Variants in TSC22D1 observed in about 807,000 individuals in gnomAD.
The protein encoded by TSC22D1 is TSC22 domain family protein 1.
Under a neutral mutation model 74.2 loss-of-function variants are expected in TSC22D1, and 9 were observed. The ratio of observed to expected loss-of-function variants is 0.12; its 90% confidence interval spans 0.07 to 0.21. TSC22D1 has a LOEUF of 0.21. Ranked by LOEUF, TSC22D1 falls within the 10% of genes least tolerant of loss-of-function variation. The pLI, the probability that TSC22D1 is intolerant of heterozygous loss-of-function variation, is 1.00. For missense variants in TSC22D1, 1,427 were observed against 1,304.7 expected, an observed-to-expected ratio of 1.09 and a Z score of -1.44; for synonymous variants, 586 against 492.5, an observed-to-expected ratio of 1.19 and a Z score of -2.51.
chr13:44,570,033 G>A (rs1357833962), intron 1 of TSC22D1, among the ~76,000 whole-genome samples: 2 of 152,146 alleles, frequency 1.3e-5, no homozygotes, highest in Admixed American at 6.5e-5. Flanking sequence ...GAGAACATCT[G>A]AGCTGAGTCT....
intron 1 of TSC22D1, among the ~76,000 whole-genome samples, chr13:44,494,375 C>CCAAA (rs1878865265): frequency 3.8e-5 from 1 of 26,462 alleles, no homozygotes; most frequent in Admixed American, 8.1e-4. Flanking sequence ...GACTCCGTAT[C>CCAAA]AAAAAAAAAA....
chr13:44,532,675 C>T (rs994027595), intron 1 of TSC22D1, among the ~76,000 whole-genome samples: 3 of 151,854 alleles, frequency 2.0e-5, no homozygotes, highest in Non-Finnish European at 2.9e-5. Context: ...GGGGTTTCAC[C>T]GTGTTAGCCA....
intron 1 of TSC22D1, among the ~76,000 whole-genome samples, chr13:44,455,821 A>C (rs1876556722): frequency 6.6e-6 from 1 of 152,218 alleles, no homozygotes; most frequent in East Asian, 1.9e-4. Context: ...CACTAAAGAG[A>C]TGAGAACCCA....
intron 1 of TSC22D1, among the ~76,000 whole-genome samples, chr13:44,525,655 G>A (rs1463584907): frequency 6.6e-6 from 1 of 151,960 alleles, no homozygotes; most frequent in African/African-American, 2.4e-5. Flanking sequence ...CAAGATCAAG[G>A]ACACTATAGG....
intron 1 of TSC22D1, chr13:44,437,088 C>T (rs1673880882): frequency 7.2e-6 from 7 of 976,590 alleles, no homozygotes; most frequent in Non-Finnish European, 7.3e-6. Flanking sequence ...GAGGTTTCCA[C>T]GGCGGCCTCA....
intron 1 of TSC22D1, among the ~76,000 whole-genome samples, chr13:44,481,366 A>G (rs1172051411): frequency 6.6e-6 from 1 of 152,180 alleles, no homozygotes; most frequent in Non-Finnish European, 1.5e-5. Context: ...GTAACTGGTG[A>G]GGGGTGGGTG....
At chr13:44,558,288 C>T (rs1371346665) in intron 1 of TSC22D1, among the ~76,000 whole-genome samples, 1 of 152,106 alleles carries the variant, frequency 6.6e-6, no homozygotes, top group Non-Finnish European at 1.5e-5. Flanking sequence ...CTTAACTTCA[C>T]AATATTTTAT....
chr13:44,509,660 T>C (rs1462507143), intron 1 of TSC22D1, among the ~76,000 whole-genome samples: 1 of 151,986 alleles, frequency 6.6e-6, no homozygotes, highest in Non-Finnish European at 1.5e-5. Flanking sequence ...CACTTAAAAA[T>C]GGTTAAGATG....
intron 1 of TSC22D1, among the ~76,000 whole-genome samples, chr13:44,508,169 C>T (rs1325601249): frequency 1.3e-5 from 2 of 152,140 alleles, no homozygotes; most frequent in Non-Finnish European, 2.9e-5. Context: ...GACCAGACTT[C>T]CCATTCTTCC....
chr13:44,541,030 T>C (rs910703892), intron 1 of TSC22D1, among the ~76,000 whole-genome samples: 15 of 152,332 alleles, frequency 9.8e-5, no homozygotes, highest in African/African-American at 3.4e-4. Flanking sequence ...GGGATAAAGT[T>C]TTTATGAAAT....
chr13:44,437,259 G>A, intron 1 of TSC22D1: 1 of 985,468 alleles, frequency 1.0e-6, no homozygotes, highest in Non-Finnish European at 1.2e-6. Flanking sequence ...AACCCGAACC[G>A]TCTGAGCTAC....
At chr13:44,465,383 A>G (rs1217829363) in intron 1 of TSC22D1, among the ~76,000 whole-genome samples, 1 of 152,098 alleles carries the variant, frequency 6.6e-6, no homozygotes, top group Non-Finnish European at 1.5e-5. Flanking sequence ...CTGTGGGGGG[A>G]CACGAGCATG....
intron 1 of TSC22D1, among the ~76,000 whole-genome samples, chr13:44,457,269 A>G (rs2138937645): frequency 6.6e-6 from 1 of 152,360 alleles, no homozygotes; most frequent in Admixed American, 6.5e-5. Context: ...GTTACTCTGC[A>G]AAATTATGTT....
chr13:44,522,027 T>C (rs1249059946), intron 1 of TSC22D1, among the ~76,000 whole-genome samples: 2 of 152,178 alleles, frequency 1.3e-5, no homozygotes, highest in Admixed American at 6.5e-5. Context: ...CAACAATATA[T>C]GCTTTTAAAT....
rs188124436 is a variant in TSC22D1 at position 44,444,928 on chromosome 13, T to C, written c.2913-8833A>G. On this transcript the variant is annotated intron_variant, in intron 1 of 2. Coordinates refer to ENST00000458659, the MANE Select transcript of TSC22D1 (RefSeq NM_183422.4). The stretch of plus-strand genomic sequence containing the variant: ...AAAATTGAATTTATAGTTTAAACTC[T>C]TTCTATAAAGAAAACCTCAAGCTCA... 6.6e-5 allele frequency among the ~76,000 whole-genome samples: 10 copies of C among 152,312 alleles called. No homozygotes were observed. In the East Asian group the frequency reaches 1.9e-3, roughly 29 times the overall value.
intron 1 of TSC22D1, among the ~76,000 whole-genome samples, chr13:44,569,504 T>TG (rs537530677): frequency 1.3e-3 from 199 of 152,238 alleles, no homozygotes; most frequent in Non-Finnish European, 2.4e-3. Context: ...ATGTACATCT[T>TG]GAAAAAAAAA....
At chr13:44,557,304 T>C (rs1882716722) in intron 1 of TSC22D1, among the ~76,000 whole-genome samples, 1 of 149,106 alleles carries the variant, frequency 6.7e-6, no homozygotes, top group Admixed American at 6.7e-5. Flanking sequence ...CTACTAAAAA[T>C]ACAAAAATTA....
intron 2 of TSC22D1, 141 bp from the exon 3 acceptor site, chr13:44,435,024 A>G (rs770316550): frequency 1.2e-4 from 85 of 703,936 alleles, no homozygotes; most frequent in Admixed American, 2.4e-4. Flanking sequence ...CACTTGGGGA[A>G]ATCTGAATAC....
intron 1 of TSC22D1, among the ~76,000 whole-genome samples, chr13:44,572,838 G>T (rs952920630): frequency 2.0e-5 from 3 of 152,150 alleles, no homozygotes; most frequent in Non-Finnish European, 4.4e-5. Context: ...ACTATTATGT[G>T]GGTTAGCAAA....
Sources: gnomAD v4.1 joint callset for allele counts (sites outside exome capture counted in the v4.1 genomes callset) on GRCh38, gnomAD v4.1.1 for gene constraint, MANE v1.5 for transcripts, NCBI Gene and HGNC (gene_info 2026-07-23, HGNC 2026-07-21) for gene names.